OSBPL1A: variants seen among roughly 807,000 people sequenced by gnomAD.
OSBPL1A encodes the protein oxysterol-binding protein-related protein 1.
In OSBPL1A, 80 loss-of-function variants were observed where a neutral mutation model predicts 137.1. The ratio of observed to expected loss-of-function variants is 0.58; its 90% CI spans 0.49 to 0.70. OSBPL1A has a LOEUF of 0.70. Ranked by LOEUF, OSBPL1A falls within the 30% of genes least tolerant of loss-of-function variation. OSBPL1A has a pLI of 0.00. For missense variants in OSBPL1A, 970 were observed against 1,129.4 expected, an observed-to-expected ratio of 0.86 and a Z score of 2.02; for synonymous variants, 365 against 389.7, an observed-to-expected ratio of 0.94 and a Z score of 0.75.
chr18:24,302,815 C>G (rs1473481825), intron 14 of OSBPL1A: 1 of 152,152 alleles, frequency 6.6e-6, no homozygotes, highest in Non-Finnish European at 1.5e-5. Context: ...ATTAGCTAGA[C>G]AAGATCATAT....
chr18:24,296,171 T>G (rs190009905), intron 14 of OSBPL1A, among the ~76,000 whole-genome samples: 105 of 152,334 alleles, frequency 6.9e-4, no homozygotes, highest in Non-Finnish European at 6.3e-4. Context: ...GTGTCATCTA[T>G]GATTTCTTTC....
At chr18:24,375,966 G>A (rs1325621779) in intron 2 of OSBPL1A, among the ~76,000 whole-genome samples, 1 of 152,164 alleles carries the variant, frequency 6.6e-6, no homozygotes, top group Admixed American at 6.5e-5. Flanking sequence ...CTCCCGGTGG[G>A]CTCGTGGTCT....
chr18:24,228,066 C>A (rs1051512133), intron 16 of OSBPL1A, among the ~76,000 whole-genome samples: 23 of 152,104 alleles, frequency 1.5e-4, no homozygotes, highest in African/African-American at 5.1e-4. Flanking sequence ...CTTCGCAGAA[C>A]AAGATTTCAA....
chr18:24,380,882 G>T (rs556530688), intron 1 of OSBPL1A, among the ~76,000 whole-genome samples: 3 of 151,416 alleles, frequency 2.0e-5, no homozygotes, highest in Non-Finnish European at 4.4e-5. Flanking sequence ...AACCCAGGAG[G>T]CGGAGGTTGC....
intron 15 of OSBPL1A, among the ~76,000 whole-genome samples, chr18:24,266,588 G>C (rs2089580770): frequency 6.6e-6 from 1 of 152,118 alleles, no homozygotes; most frequent in Non-Finnish European, 1.5e-5. Flanking sequence ...AAACAGAAAT[G>C]CCAAGCAGTG....
chr18:24,309,998 G>A (rs1371969666), intron 13 of OSBPL1A, among the ~76,000 whole-genome samples: 1 of 140,074 alleles, frequency 7.1e-6, no homozygotes, highest in Non-Finnish European at 1.5e-5. Context: ...AGGGAGCCAT[G>A]ATCGCATCAC....
In OSBPL1A at chr18:24,198,273, A is replaced by G. The variant is rs1479388414; in HGVS notation, c.1602-2073T>C. On this transcript the variant is annotated intron_variant, in intron 17 of 27. Coordinates refer to ENST00000319481, the MANE Select transcript of OSBPL1A (RefSeq NM_080597.4). ...AAGGCAAGAATAGCAGAAAGGCAAG[A>G]ACAACAAATATCTTGGAGGCAGAAG... Among the ~76,000 whole-genome samples, 3 of 152,208 alleles carry G rather than the reference A, an allele frequency of 2.0e-5. No homozygotes were observed. The East Asian group carries it at 5.8e-4, about 29-fold the overall frequency.
At position 24,368,298 on chromosome 18, in the gene OSBPL1A, C is replaced by A; in HGVS notation, c.196G>T (p.Asp66Tyr). The A allele has an allele frequency of 1.2e-6, 2 of 1,611,434 alleles. No individual in the cohort carries two copies. The highest frequency in any genetic ancestry group is 1.3e-5 in the African/African-American group (1 of 74,970). The stretch of plus-strand genomic sequence containing the variant: ...AGTCATAAATAGACCTTCAACAGAT[C>A]CTGGACCACTTGTCTGTGTCCAAAA... ...CYFGHRQVVQ[D>Y]LLKAGAEVNV... is the part of the protein sequence containing the mutation. Residue 66 changes from aspartate (D) to tyrosine (Y), a missense_variant, in exon 3 of 28, where the codon GAT (aspartate) becomes TAT (tyrosine). Transcript: ENST00000319481.
At chr18:24,298,564 C>G (rs539687708) in intron 14 of OSBPL1A, among the ~76,000 whole-genome samples, 88 of 152,296 alleles carry the variant, frequency 5.8e-4, no homozygotes, top group African/African-American at 2.1e-3. Flanking sequence ...CCAGGATGGT[C>G]TCGATCTCCG....
At chr18:24,383,968 C>T (rs533695351) in intron 1 of OSBPL1A, among the ~76,000 whole-genome samples, 2 of 152,234 alleles carry the variant, frequency 1.3e-5, no homozygotes, top group East Asian at 1.9e-4. Context: ...AACATGCAAA[C>T]GACAACCACA....
intron 15 of OSBPL1A, among the ~76,000 whole-genome samples, chr18:24,275,620 A>G (rs1456273211): frequency 6.6e-6 from 1 of 152,234 alleles, no homozygotes; most frequent in Non-Finnish European, 1.5e-5. Context: ...TCTCTCTTCA[A>G]AGATACCAGT....
At chr18:24,358,215 A>AG (rs1568050922) in intron 4 of OSBPL1A, 6 of 495,726 alleles carry the variant, frequency 1.2e-5, no homozygotes, top group Non-Finnish European at 2.1e-5. Flanking sequence ...CATGGTATCC[A>AG]GGGGCTCAGA....
chr18:24,388,865 C>CT (rs1051371216), intron 1 of OSBPL1A, among the ~76,000 whole-genome samples: 3 of 150,772 alleles, frequency 2.0e-5, no homozygotes, highest in East Asian at 2.0e-4. Flanking sequence ...AACACCCCCC[C>CT]ACAGATTGAG....
At chr18:24,237,161 C>T (rs1029385402) in intron 16 of OSBPL1A, among the ~76,000 whole-genome samples, 6 of 151,986 alleles carry the variant, frequency 3.9e-5, no homozygotes, top group Non-Finnish European at 5.9e-5. Flanking sequence ...AGAGTATATC[C>T]GGCTGTTAAT....
intron 15 of OSBPL1A, among the ~76,000 whole-genome samples, chr18:24,246,636 C>T (rs1341938027): frequency 4.6e-5 from 7 of 151,646 alleles, no homozygotes; most frequent in Admixed American, 4.6e-4. Context: ...ACTAAAAATA[C>T]AAAAATTAGC....
intron 15 of OSBPL1A, among the ~76,000 whole-genome samples, chr18:24,273,019 C>T (rs965606154): frequency 6.6e-5 from 10 of 152,158 alleles, no homozygotes; most frequent in African/African-American, 2.4e-4. Flanking sequence ...GATTCTCGTG[C>T]CCCAGCTTCC....
chr18:24,287,768 T>G (rs1161759850), intron 14 of OSBPL1A, among the ~76,000 whole-genome samples: 3 of 59,282 alleles, frequency 5.1e-5, no homozygotes, highest in African/African-American at 2.0e-4. Flanking sequence ...AGAGACTCTG[T>G]CTCAAAAATA....
chr18:24,164,031 C>A (rs2086083650), intron 27 of OSBPL1A, among the ~76,000 whole-genome samples: 1 of 152,076 alleles, frequency 6.6e-6, no homozygotes. Flanking sequence ...CACCTGGCCT[C>A]AAACTCTTAA....
chr18:24,320,747 G>T (rs180834643), intron 7 of OSBPL1A, among the ~76,000 whole-genome samples: 8 of 152,160 alleles, frequency 5.3e-5, no homozygotes, highest in Admixed American at 3.3e-4. Context: ...TATAATATAG[G>T]CCGGGTGCAG....
Sources: gnomAD v4.1 joint callset for allele counts (sites outside exome capture counted in the v4.1 genomes callset) on GRCh38, gnomAD v4.1.1 for gene constraint, MANE v1.5 for transcripts, NCBI Gene and HGNC (gene_info 2026-07-23, HGNC 2026-07-21) for gene names.